The following GPC6 variants were observed in gnomAD, a reference collection of about 807,000 sequenced individuals.
GPC6 encodes glypican 6, also known as glypican-6.
Under a neutral mutation model 55.2 loss-of-function variants are expected in GPC6, and 14 were observed. That is an observed-to-expected ratio of 0.25 (90% CI 0.17 to 0.40). The LOEUF is 0.40. Ranked by LOEUF, GPC6 falls within the 10% of genes least tolerant of loss-of-function variation. The pLI is 1.00. For synonymous variants in GPC6, 278 were observed against 259.6 expected (o/e 1.07, Z -0.68); for missense variants, 641 against 708.5 (o/e 0.90, Z 1.08).
At chr13:94,364,095 A>C (rs547070471) in intron 6 of GPC6, among the ~76,000 whole-genome samples, 1 of 152,316 alleles carries the variant, frequency 6.6e-6, no homozygotes, top group Non-Finnish European at 1.5e-5. Flanking sequence ...GGCTTACATG[A>C]TGTTTCTACT....
intron 2 of GPC6, among the ~76,000 whole-genome samples, chr13:93,643,438 A>G (rs998504326): frequency 5.9e-5 from 9 of 152,162 alleles, no homozygotes; most frequent in African/African-American, 2.2e-4. Flanking sequence ...GAGCCCCCAC[A>G]GGAAATGACC....
intron 3 of GPC6, among the ~76,000 whole-genome samples, chr13:93,911,494 G>A (rs942808690): frequency 2.0e-5 from 3 of 152,046 alleles, no homozygotes; most frequent in Non-Finnish European, 2.9e-5. Flanking sequence ...ATAATTACAA[G>A]GATGTGAGGC....
intron 3 of GPC6, among the ~76,000 whole-genome samples, chr13:93,855,755 TC>T (rs1888583040): frequency 6.6e-6 from 1 of 151,754 alleles, no homozygotes; most frequent in Admixed American, 6.6e-5. Context: ...CTTTTGCATT[TC>T]CCTGATGACA....
chr13:94,123,998 G>C (rs909225656), intron 4 of GPC6, among the ~76,000 whole-genome samples: 13 of 151,944 alleles, frequency 8.6e-5, no homozygotes, highest in African/African-American at 3.1e-4. Flanking sequence ...AATTACTGAA[G>C]TAAATAAGAT....
chr13:93,562,351 CAT>C (rs1437138158), intron 2 of GPC6, among the ~76,000 whole-genome samples: 2 of 152,008 alleles, frequency 1.3e-5, no homozygotes, highest in African/African-American at 2.4e-5. Context: ...AAACGTATAA[CAT>C]ATGAAATTTA....
chr13:94,099,150 C>T (rs1202227387), intron 4 of GPC6, among the ~76,000 whole-genome samples: 1 of 152,126 alleles, frequency 6.6e-6, no homozygotes, highest in Non-Finnish European at 1.5e-5. Context: ...GTTTTTATAG[C>T]AGACTCATTG....
At chr13:93,966,926 A>T in intron 3 of GPC6, among the ~76,000 whole-genome samples, 1 of 152,100 alleles carries the variant, frequency 6.6e-6, no homozygotes, top group East Asian at 1.9e-4. Context: ...AAGTGCTGAG[A>T]CTACGGGCAT....
intron 3 of GPC6, among the ~76,000 whole-genome samples, chr13:93,858,065 A>G (rs1044036201): frequency 1.3e-5 from 2 of 151,552 alleles, no homozygotes. Flanking sequence ...ACTACCCTTT[A>G]AAACAATTTA....
chr13:94,122,346 T>C lies in GPC6; in HGVS notation c.877+94452T>C, dbSNP rs116741195. ...AATTAGATACTCAGATTGTTCTGCCTGCATCTAAAGTCAGGTCCAGTCTGA... is the reference window on the plus strand; with the variant it reads ...AATTAGATACTCAGATTGTTCTGCCCGCATCTAAAGTCAGGTCCAGTCTGA... On this transcript the variant is annotated intron_variant, in intron 4 of 8. Transcript: ENST00000377047. Among the ~76,000 whole-genome samples, 628 of 152,192 alleles carry C rather than the reference T, an allele frequency of 4.1e-3. 4 individuals are homozygous for C. The highest frequency in any genetic ancestry group is 0.014 in the African/African-American group (598 of 41,548).
chr13:94,286,501 C>T (rs1290877875), intron 5 of GPC6, 22 bp downstream of exon 5: 1 of 1,600,368 alleles, frequency 6.2e-7, no homozygotes, highest in Non-Finnish European at 8.6e-7. Context: ...AGTAATGTAT[C>T]TGCCAATACA....
chr13:93,782,111 AACC>A (rs1885670881), intron 2 of GPC6, among the ~76,000 whole-genome samples: 1 of 152,256 alleles, frequency 6.6e-6, no homozygotes, highest in African/African-American at 2.4e-5. Context: ...AGCCTCTGAT[AACC>A]ACCACTGCAC....
chr13:93,623,554 G>A (rs1345222680), intron 2 of GPC6, among the ~76,000 whole-genome samples: 1 of 148,816 alleles, frequency 6.7e-6, no homozygotes, highest in Non-Finnish European at 1.5e-5. Flanking sequence ...CGCCTCCTGG[G>A]TTCAAGCAAT....
intron 1 of GPC6, among the ~76,000 whole-genome samples, chr13:93,528,350 G>A (rs1007592587): frequency 2.0e-5 from 3 of 152,132 alleles, no homozygotes; most frequent in Non-Finnish European, 4.4e-5. Flanking sequence ...ACTTGAAATT[G>A]ATTGTTTGTG....
At chr13:93,907,463 G>A (rs12583113) in intron 3 of GPC6, among the ~76,000 whole-genome samples, 4 of 151,794 alleles carry the variant, frequency 2.6e-5, no homozygotes, top group African/African-American at 7.3e-5. Flanking sequence ...ATTGATAAAC[G>A]ATCTGTATTC....
At chr13:93,598,144 AAAT>A (rs377484568) in intron 2 of GPC6, among the ~76,000 whole-genome samples, 2 of 151,770 alleles carry the variant, frequency 1.3e-5, no homozygotes, top group East Asian at 1.9e-4. Flanking sequence ...CTCCATCTCA[AAAT>A]AATAATAATA....
At chr13:93,589,726 C>T (rs1048264353) in intron 2 of GPC6, among the ~76,000 whole-genome samples, 2 of 152,110 alleles carry the variant, frequency 1.3e-5, no homozygotes, top group Non-Finnish European at 2.9e-5. Flanking sequence ...TTAGTAAATG[C>T]ATTTATTGTG....
intron 4 of GPC6, among the ~76,000 whole-genome samples, chr13:94,109,484 G>A (rs1348056016): frequency 6.6e-6 from 1 of 150,762 alleles, no homozygotes; most frequent in Non-Finnish European, 1.5e-5. Flanking sequence ...CTACAATGAA[G>A]ATTCAATGAC....
intron 7 of GPC6, among the ~76,000 whole-genome samples, chr13:94,388,203 G>C (rs1880495597): frequency 6.6e-6 from 1 of 152,200 alleles, no homozygotes; most frequent in African/African-American, 2.4e-5. Flanking sequence ...TAACATGTAA[G>C]ATATTACCTT....
intron 4 of GPC6, among the ~76,000 whole-genome samples, chr13:94,110,976 C>T (rs1886224586): frequency 6.6e-6 from 1 of 152,008 alleles, no homozygotes; most frequent in South Asian, 2.1e-4. Flanking sequence ...ATAAGTTTCC[C>T]TTAGCTCTTT....
Sources: gnomAD v4.1 joint callset for allele counts (sites outside exome capture counted in the v4.1 genomes callset) on GRCh38, gnomAD v4.1.1 for gene constraint, MANE v1.5 for transcripts, NCBI Gene and HGNC (gene_info 2026-07-23, HGNC 2026-07-21) for gene names.